Variants in RAB3C observed in about 807,000 individuals in gnomAD.
The protein encoded by RAB3C is RAB3C, member RAS oncogene family.
RAB3C carries 17 observed loss-of-function variants against 26.4 expected under a neutral mutation model. The observed-to-expected ratio is 0.64, with a 90% CI of 0.44 to 0.97. The LOEUF (loss-of-function observed/expected upper bound fraction) is 0.97. Among genes scored for constraint, RAB3C ranks in the 50% least tolerant of loss-of-function variants. The pLI is 0.00. For synonymous variants in RAB3C, 91 were observed against 95.9 expected, an observed-to-expected ratio of 0.95 and a Z score of 0.30; for missense variants, 242 against 281.9, an observed-to-expected ratio of 0.86 and a Z score of 1.01.
intron 2 of RAB3C, among the ~76,000 whole-genome samples, chr5:58,715,460 GAA>G (rs199750665): frequency 0.02 from 2,966 of 151,832 alleles, 93 homozygotes; most frequent in African/African-American, 0.068. Flanking sequence ...AATGAAGGAA[GAA>G]GAAGAAGAAT....
intron 2 of RAB3C, among the ~76,000 whole-genome samples, chr5:58,706,917 C>T (rs1748954245): frequency 6.6e-6 from 1 of 152,140 alleles, no homozygotes; most frequent in African/African-American, 2.4e-5. Flanking sequence ...GGAGAAAAGC[C>T]CAGACAACAT....
chr5:58,796,653 A>G (rs1468329822), intron 3 of RAB3C, among the ~76,000 whole-genome samples: 1 of 152,238 alleles, frequency 6.6e-6, no homozygotes, highest in Non-Finnish European at 1.5e-5. Flanking sequence ...TACTACTCAT[A>G]GCTGAAGGCA....
At chr5:58,731,035 A>G (rs989469406) in intron 3 of RAB3C, among the ~76,000 whole-genome samples, 3 of 152,020 alleles carry the variant, frequency 2.0e-5, no homozygotes, top group Non-Finnish European at 4.4e-5. Context: ...ACAACATGGG[A>G]AAAAAACCCA....
chr5:58,642,572 T>C (rs2111771138), intron 2 of RAB3C, among the ~76,000 whole-genome samples: 1 of 152,344 alleles, frequency 6.6e-6, no homozygotes, highest in African/African-American at 2.4e-5. Flanking sequence ...AGATTCACAG[T>C]ATATTTTTCC....
At chr5:58,678,886 T>C (rs963663303) in intron 2 of RAB3C, among the ~76,000 whole-genome samples, 1 of 152,136 alleles carries the variant, frequency 6.6e-6, no homozygotes, top group Non-Finnish European at 1.5e-5. Flanking sequence ...AGGGTATAAA[T>C]AGAAAAACCC....
intron 4 of RAB3C, chr5:58,848,450 T>A (rs1230540428): frequency 6.6e-6 from 1 of 152,246 alleles, no homozygotes; most frequent in Non-Finnish European, 1.5e-5. Flanking sequence ...CAGGAGAGTG[T>A]ACAAGTTAGT....
intron 3 of RAB3C, among the ~76,000 whole-genome samples, chr5:58,739,804 T>TA: frequency 6.6e-6 from 1 of 152,374 alleles, no homozygotes; most frequent in South Asian, 2.1e-4. Flanking sequence ...ACTTACAGAA[T>TA]AACAGTTGGT....
chr5:58,619,385 C>T (rs1302794955), intron 2 of RAB3C, among the ~76,000 whole-genome samples: 18 of 152,116 alleles, frequency 1.2e-4, no homozygotes. Context: ...AAGTATGGGT[C>T]CTGATTCATT....
chr5:58,839,911 GTT>G (rs80006938), intron 4 of RAB3C, among the ~76,000 whole-genome samples: 2 of 145,836 alleles, frequency 1.4e-5, no homozygotes, highest in Non-Finnish European at 3.0e-5. Context: ...TGGTTGGGAG[GTT>G]TTTTTTTTTC....
chr5:58,790,519 G>A (rs140043892), intron 3 of RAB3C, among the ~76,000 whole-genome samples: 2 of 152,082 alleles, frequency 1.3e-5, no homozygotes, highest in Non-Finnish European at 2.9e-5. Context: ...ATTTAAACCC[G>A]CAAGGAATGC....
chr5:58,802,084 T>C (rs1277145914), intron 3 of RAB3C, among the ~76,000 whole-genome samples: 1 of 148,728 alleles, frequency 6.7e-6, no homozygotes, highest in African/African-American at 2.5e-5. Flanking sequence ...GTAATATAAC[T>C]AAGAGAATAT....
At chr5:58,739,236 C>CAT (rs1044820327) in intron 3 of RAB3C, among the ~76,000 whole-genome samples, 49 of 152,344 alleles carry the variant, frequency 3.2e-4, no homozygotes, top group African/African-American at 1.0e-3. Context: ...TATTGACCCT[C>CAT]ATTTTCTATT....
chr5:58,690,413 C>T (rs1748546420), intron 2 of RAB3C, among the ~76,000 whole-genome samples: 1 of 152,214 alleles, frequency 6.6e-6, no homozygotes. Context: ...TCATCTCTCT[C>T]CACATGATGT....
intron 4 of RAB3C, among the ~76,000 whole-genome samples, chr5:58,835,406 G>T (rs1743722994): frequency 1.3e-5 from 2 of 152,130 alleles, no homozygotes; most frequent in Non-Finnish European, 2.9e-5. Context: ...ACATCAATAT[G>T]CAAAGTGCCC....
intron 3 of RAB3C, among the ~76,000 whole-genome samples, chr5:58,739,937 G>A (rs1741241640): frequency 6.6e-6 from 1 of 152,210 alleles, no homozygotes; most frequent in African/African-American, 2.4e-5. Context: ...GGTAGGAGAG[G>A]AAAGAGATGT....
At chr5:58,593,380 TAA>T (rs1746178829) in intron 1 of RAB3C, among the ~76,000 whole-genome samples, 1 of 152,182 alleles carries the variant, frequency 6.6e-6, no homozygotes, top group African/African-American at 2.4e-5. Flanking sequence ...GGAAGCACAG[TAA>T]TTAACTGAGC....
At chr5:58,713,174 G>T (rs1022929118) in intron 2 of RAB3C, among the ~76,000 whole-genome samples, 2 of 152,056 alleles carry the variant, frequency 1.3e-5, no homozygotes, top group Non-Finnish European at 2.9e-5. Flanking sequence ...AGGTAGTGGG[G>T]TCATCTCTAA....
intron 2 of RAB3C, among the ~76,000 whole-genome samples, chr5:58,722,820 G>A (rs376661788): frequency 5.9e-5 from 9 of 151,778 alleles, no homozygotes; most frequent in East Asian, 1.9e-4. Context: ...TACACTTTAC[G>A]ACATCTATGT....
At chr5:58,722,114 A>G (rs1462739077) in intron 2 of RAB3C, among the ~76,000 whole-genome samples, 1 of 151,894 alleles carries the variant, frequency 6.6e-6, no homozygotes, top group Non-Finnish European at 1.5e-5. Flanking sequence ...TGCATTTTAT[A>G]ACAAAGAACA....
Sources: gnomAD v4.1 joint callset for allele counts (sites outside exome capture counted in the v4.1 genomes callset) on GRCh38, gnomAD v4.1.1 for gene constraint, MANE v1.5 for transcripts, NCBI Gene and HGNC (gene_info 2026-07-23, HGNC 2026-07-21) for gene names.